CAST: variants seen among roughly 807,000 people sequenced by gnomAD.
CAST encodes calpastatin, also known as MIR583 host.
In CAST, 76 loss-of-function variants were observed where a neutral mutation model predicts 119.6. That is an observed-to-expected ratio of 0.64 (90% CI 0.53 to 0.77). The LOEUF (loss-of-function observed/expected upper bound fraction) is 0.77. CAST is among the 30% of genes least tolerant of loss of function. The pLI is 0.00. For synonymous variants in CAST, 319 were observed against 331.6 expected (o/e 0.96, Z 0.41); for missense variants, 953 against 946.5 (o/e 1.01, Z -0.09).
chr5:96,559,613 AAG>A (rs1746315441), intron 1 of CAST, among the ~76,000 whole-genome samples: 3 of 152,232 alleles, frequency 2.0e-5, no homozygotes, highest in Admixed American at 2.0e-4. Context: ...GATTGCTTCA[AAG>A]AGAATAAAAT....
At chr5:96,003,169 A>G in the CAST span, among the ~76,000 whole-genome samples, 1 of 152,034 alleles carries the variant, frequency 6.6e-6, no homozygotes, top group African/African-American at 2.4e-5. Context: ...AAGCCTAGCA[A>G]TTCAAGGCTG....
chr5:96,319,726 G>T, the CAST span, among the ~76,000 whole-genome samples: 1 of 152,146 alleles, frequency 6.6e-6, no homozygotes, highest in African/African-American at 2.4e-5. Context: ...ACTTCCAGAT[G>T]ATATTAGGTG....
Position 96,729,657 on chromosome 5 carries a change from G to C in CAST, c.481G>C (p.Ala161Pro). The change falls in exon 8 of 32, where the codon GCT becomes CCT. Residue 161 changes from alanine to proline, a missense_variant. Physicochemically the swap from Ala to Pro is conservative, Grantham distance 27. Transcript: ENST00000675179. ...KQASDTGSND[A>P]HNKKAVSRSA... ...GGCATCAGATACAGGAAGTAACGATGCTCACAATAAAAAAGCAGTTTCCAG... is the reference window on the plus strand; with the variant it reads ...GGCATCAGATACAGGAAGTAACGATCCTCACAATAAAAAAGCAGTTTCCAG... 1 of 1,604,794 alleles carries C rather than the reference G, an allele frequency of 6.2e-7. No homozygotes were observed. The highest frequency in any genetic ancestry group is 8.5e-7 in the Non-Finnish European group (1 of 1,171,608).
At chr5:96,183,747 T>C in the CAST span, among the ~76,000 whole-genome samples, 36 of 152,214 alleles carry the variant, frequency 2.4e-4, no homozygotes, top group Non-Finnish European at 4.3e-4. Flanking sequence ...TGTAAAATGA[T>C]ACAATGGGAC....
chr5:96,747,841 A>G (rs2150560182), intron 18 of CAST, among the ~76,000 whole-genome samples: 1 of 152,296 alleles, frequency 6.6e-6, no homozygotes, highest in Admixed American at 6.5e-5. Context: ...TCCTCAATGA[A>G]TGAGGACGGT....
the CAST span, chr5:96,397,210 C>T: frequency 1.2e-6 from 1 of 813,568 alleles, no homozygotes; most frequent in Non-Finnish European, 2.1e-6. Context: ...CTCTACTTTT[C>T]CCTTACTTCT....
intron 1 of CAST, among the ~76,000 whole-genome samples, chr5:96,530,501 A>G (rs1329374145): frequency 6.6e-6 from 1 of 152,180 alleles, no homozygotes; most frequent in Non-Finnish European, 1.5e-5. Flanking sequence ...TCCACAAATA[A>G]GGTCAGGGCA....
the CAST span, among the ~76,000 whole-genome samples, chr5:96,063,953 T>A: frequency 6.6e-6 from 1 of 152,292 alleles, no homozygotes; most frequent in South Asian, 2.1e-4. Flanking sequence ...ATCATTAGTG[T>A]ACGTGAGACT....
the CAST span, among the ~76,000 whole-genome samples, chr5:96,406,852 C>A: frequency 2.6e-5 from 4 of 152,152 alleles, no homozygotes; most frequent in Admixed American, 2.6e-4. Context: ...AACCATAGCA[C>A]CTGACTTGAC....
chr5:96,625,315 G>C (rs1302180613), intron 1 of CAST, among the ~76,000 whole-genome samples: 1 of 151,522 alleles, frequency 6.6e-6, no homozygotes, highest in Admixed American at 6.6e-5. Context: ...TCTCTCATAC[G>C]CACACTTAGA....
chr5:96,074,562 A>T, the CAST span, among the ~76,000 whole-genome samples: 3 of 152,220 alleles, frequency 2.0e-5, no homozygotes, highest in African/African-American at 7.2e-5. Context: ...GCTGTTGTTT[A>T]AGGCACCACA....
the CAST span, among the ~76,000 whole-genome samples, chr5:96,282,942 AC>A: frequency 2.0e-5 from 3 of 151,450 alleles, no homozygotes; most frequent in African/African-American, 7.3e-5. Flanking sequence ...ATCCTGGCTA[AC>A]ACGGTGAAAC....
chr5:96,403,243 C>G, the CAST span, among the ~76,000 whole-genome samples: 1 of 152,036 alleles, frequency 6.6e-6, no homozygotes, highest in Non-Finnish European at 1.5e-5. Flanking sequence ...CATTGTCATG[C>G]AATTAGAAAA....
At chr5:96,326,308 TC>T in the CAST span, among the ~76,000 whole-genome samples, 4 of 152,232 alleles carry the variant, frequency 2.6e-5, no homozygotes, top group Non-Finnish European at 4.4e-5. Flanking sequence ...TACAAGGTCC[TC>T]CATGACAAGC....
At chr5:96,603,707 A>G (rs1747200869) in intron 1 of CAST, among the ~76,000 whole-genome samples, 1 of 151,444 alleles carries the variant, frequency 6.6e-6, no homozygotes, top group Non-Finnish European at 1.5e-5. Context: ...TAAACGTGTT[A>G]CACAGTCATT....
chr5:96,224,972 G>T, the CAST span, among the ~76,000 whole-genome samples: 1 of 152,188 alleles, frequency 6.6e-6, no homozygotes, highest in Admixed American at 6.5e-5. Context: ...TAATTGTCCA[G>T]ACCTAGGTCA....
chr5:96,730,988 A>C (rs1760359709), intron 9 of CAST, 128 bp downstream of exon 9: 1 of 690,360 alleles, frequency 1.4e-6, no homozygotes, highest in African/African-American at 1.8e-5. Context: ...AATTTTGTGA[A>C]GAGCATGCAT....
the CAST span, among the ~76,000 whole-genome samples, chr5:96,021,697 T>C: frequency 1.8e-4 from 27 of 152,254 alleles, no homozygotes; most frequent in Admixed American, 2.6e-4. Flanking sequence ...CCTCCCTCCT[T>C]GGCCTCCCAA....
At chr5:96,094,142 C>A in the CAST span, among the ~76,000 whole-genome samples, 1 of 152,174 alleles carries the variant, frequency 6.6e-6, no homozygotes, top group Non-Finnish European at 1.5e-5. Flanking sequence ...AGAAAAAGAT[C>A]CCTGGAGCCC....
Sources: allele counts gnomAD v4.1 joint callset (sites outside exome capture counted in the v4.1 genomes callset), GRCh38; gene constraint gnomAD v4.1.1; transcripts MANE v1.5; gene names NCBI Gene and HGNC (gene_info 2026-07-23, HGNC 2026-07-21).